DOCK3: variants seen among roughly 807,000 people sequenced by gnomAD.
DOCK3 encodes dedicator of cytokinesis protein 3.
A neutral mutation model predicts 265.6 loss-of-function variants in DOCK3; 60 were observed. The observed-to-expected ratio is 0.23, with a 90% confidence interval of 0.18 to 0.28. The LOEUF is 0.28. Ranked by LOEUF, DOCK3 falls within the 10% of genes least tolerant of loss-of-function variation. The probability of loss-of-function intolerance (pLI) is 1.00; values close to 1 mark genes in which losing one functional copy is unlikely to be tolerated. For synonymous variants in DOCK3, 881 were observed against 938.0 expected, an observed-to-expected ratio of 0.94 and a Z score of 1.11; for missense variants, 1,981 against 2,594.3, an observed-to-expected ratio of 0.76 and a Z score of 5.14.
intron 13 of DOCK3, among the ~76,000 whole-genome samples, chr3:51,209,237 A>G (rs2089382401): frequency 6.6e-6 from 1 of 152,248 alleles, no homozygotes; most frequent in Non-Finnish European, 1.5e-5. Flanking sequence ...CTATATAGAT[A>G]TAGACATCAC....
chr3:51,145,862 T>C (rs1433341072), intron 9 of DOCK3, among the ~76,000 whole-genome samples: 3 of 152,212 alleles, frequency 2.0e-5, no homozygotes, highest in Non-Finnish European at 4.4e-5. Flanking sequence ...GAAGCTGTTC[T>C]ACCTTAGATC....
At chr3:50,823,177 T>A (rs1406174950) in intron 2 of DOCK3, among the ~76,000 whole-genome samples, 1 of 152,016 alleles carries the variant, frequency 6.6e-6, no homozygotes, top group East Asian at 1.9e-4. Flanking sequence ...TATTTTTTTT[T>A]ATTGATCATT....
At chr3:51,215,185 G>T (rs1401088254) in intron 14 of DOCK3, among the ~76,000 whole-genome samples, 1 of 152,166 alleles carries the variant, frequency 6.6e-6, no homozygotes, top group Non-Finnish European at 1.5e-5. Flanking sequence ...TTGGCTCACT[G>T]CAAACTCCAC....
chr3:50,909,924 T>C (rs914146374), intron 4 of DOCK3, among the ~76,000 whole-genome samples: 3 of 152,046 alleles, frequency 2.0e-5, no homozygotes, highest in Non-Finnish European at 2.9e-5. Flanking sequence ...TTCCTTTTCA[T>C]TCTTTCTTCT....
intron 3 of DOCK3, among the ~76,000 whole-genome samples, chr3:50,850,375 G>C (rs1416466252): frequency 6.7e-6 from 1 of 148,892 alleles, no homozygotes; most frequent in Non-Finnish European, 1.5e-5. Context: ...AAAAAAAAAA[G>C]TTTCTTTGTG....
intron 21 of DOCK3, among the ~76,000 whole-genome samples, chr3:51,241,513 G>A (rs2078610652): frequency 6.6e-6 from 1 of 152,170 alleles, no homozygotes; most frequent in Non-Finnish European, 1.5e-5. Flanking sequence ...CCTGAAATAT[G>A]TTTTCTAAGT....
At chr3:51,314,881 G>A in intron 31 of DOCK3, 99 bp from the exon 32 acceptor site, 2 of 1,335,124 alleles carry the variant, frequency 1.5e-6, no homozygotes, top group Non-Finnish European at 2.0e-6. Context: ...GCTCTCAGAA[G>A]CTTCCAGTAT....
chr3:51,280,226 C>T (rs1164002831), intron 27 of DOCK3, 22 bp downstream of exon 27: 1 of 1,605,864 alleles, frequency 6.2e-7, no homozygotes, highest in Non-Finnish European at 8.5e-7. Flanking sequence ...AACACCTTTC[C>T]TCTGGGAGAG....
intron 5 of DOCK3, among the ~76,000 whole-genome samples, chr3:51,008,063 C>G (rs1252716675): frequency 6.6e-6 from 1 of 152,148 alleles, no homozygotes; most frequent in African/African-American, 2.4e-5. Context: ...CATGATGCCT[C>G]CAGCTTTGTT....
intron 3 of DOCK3, among the ~76,000 whole-genome samples, chr3:50,861,613 G>C (rs140492346): frequency 5.3e-5 from 8 of 152,160 alleles, no homozygotes; most frequent in Non-Finnish European, 1.2e-4. Flanking sequence ...GTATGATATT[G>C]GGTGTGTATA....
At chr3:51,242,239 C>G (rs550725888) in intron 21 of DOCK3, among the ~76,000 whole-genome samples, 1 of 152,274 alleles carries the variant, frequency 6.6e-6, no homozygotes, top group South Asian at 2.1e-4. Context: ...AACTTGGGGA[C>G]TGGTATTGGG....
At position 51,311,990 on chromosome 3, in the gene DOCK3, T is replaced by C; in HGVS notation, c.3018-14T>C. The stretch of plus-strand genomic sequence containing the variant: ...GTCTTTTAATTCTGCCAATGCCTTG[T>C]TTCCTTACTGCAGTATTATAGTCAC... On this transcript the variant is annotated splice_polypyrimidine_tract_variant and intron_variant, in intron 28 of 52. Coordinates refer to ENST00000266037, the MANE Select transcript of DOCK3 (RefSeq NM_004947.5). The C allele has an allele frequency of 6.4e-7, 1 of 1,572,718 alleles. No individual in the cohort carries two copies. Among genetic ancestry groups the C allele is most frequent in the South Asian group, 1.2e-5 (1 of 85,314 alleles).
chr3:50,763,319 T>G (rs1239139633), intron 1 of DOCK3, among the ~76,000 whole-genome samples: 11 of 152,136 alleles, frequency 7.2e-5, no homozygotes, highest in Admixed American at 7.2e-4. Context: ...CTCGCTCTGT[T>G]GCCCAGGCTG....
At chr3:50,677,349 G>A (rs533652143) in intron 1 of DOCK3, among the ~76,000 whole-genome samples, 2 of 152,236 alleles carry the variant, frequency 1.3e-5, no homozygotes, top group East Asian at 1.9e-4. Flanking sequence ...AAGGATGTTA[G>A]GGCTACACTT....
intron 2 of DOCK3, among the ~76,000 whole-genome samples, chr3:50,828,443 C>T (rs1473650258): frequency 1.3e-5 from 2 of 152,058 alleles, no homozygotes; most frequent in South Asian, 2.1e-4. Flanking sequence ...CTCACTATGT[C>T]ACCCAGGCTG....
At chr3:50,941,844 T>C (rs568828977) in intron 5 of DOCK3, among the ~76,000 whole-genome samples, 1 of 152,098 alleles carries the variant, frequency 6.6e-6, no homozygotes, top group South Asian at 2.1e-4. Context: ...GACATTCTCA[T>C]AGTGACAAAA....
chr3:51,098,349 C>T (rs2082949057), intron 9 of DOCK3, among the ~76,000 whole-genome samples: 1 of 152,244 alleles, frequency 6.6e-6, no homozygotes, highest in Admixed American at 6.5e-5. Context: ...GCCACTGTGC[C>T]TGGCCCAAAG....
At chr3:51,273,698 G>A (rs1011296097) in intron 24 of DOCK3, among the ~76,000 whole-genome samples, 7 of 152,162 alleles carry the variant, frequency 4.6e-5, no homozygotes, top group African/African-American at 1.7e-4. Context: ...TATATGTCAT[G>A]TACTTTGTCT....
intron 23 of DOCK3, among the ~76,000 whole-genome samples, chr3:51,263,363 C>T (rs905456644): frequency 2.0e-5 from 3 of 152,154 alleles, no homozygotes; most frequent in African/African-American, 7.2e-5. Context: ...TACAGACAAG[C>T]AAATGCTGAG....
Sources: gnomAD v4.1 joint callset for allele counts (sites outside exome capture counted in the v4.1 genomes callset) on GRCh38, gnomAD v4.1.1 for gene constraint, MANE v1.5 for transcripts, NCBI Gene and HGNC (gene_info 2026-07-23, HGNC 2026-07-21) for gene names.